ZC3H4: variants seen among roughly 807,000 people sequenced by gnomAD.
ZC3H4 encodes zinc finger CCCH-type containing 4, also known as zinc finger CCCH domain-containing protein 4.
A neutral mutation model predicts 108.3 loss-of-function variants in ZC3H4; 13 were observed. That is an observed-to-expected ratio of 0.12 (90% CI 0.08 to 0.19). The LOEUF (loss-of-function observed/expected upper bound fraction) is 0.19, where lower values mean the gene tolerates loss of function less well. Ranked by LOEUF, ZC3H4 falls within the 10% of genes least tolerant of loss-of-function variation. The pLI, the probability that ZC3H4 is intolerant of heterozygous loss-of-function variation, is 1.00. For synonymous variants in ZC3H4, 917 were observed against 749.6 expected (o/e 1.22, Z -3.65); for missense variants, 1,734 against 1,838.8 (o/e 0.94, Z 1.04).
intron 11 of ZC3H4, among the ~76,000 whole-genome samples, chr19:47,075,933 A>C (rs1334642098): frequency 1.3e-5 from 2 of 152,170 alleles, no homozygotes; most frequent in African/African-American, 4.8e-5. Flanking sequence ...CTCCACCAGC[A>C]AAGACACCAG....
intron 5 of ZC3H4, among the ~76,000 whole-genome samples, chr19:47,088,990 G>T (rs764398059): frequency 4.0e-5 from 6 of 151,812 alleles, no homozygotes; most frequent in Non-Finnish European, 8.8e-5. Flanking sequence ...GGCAGATCAC[G>T]AGGTCACGAG....
chr19:47,079,293 T>TG (rs901498072), intron 11 of ZC3H4, among the ~76,000 whole-genome samples: 4 of 149,848 alleles, frequency 2.7e-5, no homozygotes, highest in Admixed American at 1.3e-4. Flanking sequence ...CATCCCACAG[T>TG]GGGGGGGTTA....
Position 47,112,472 on chromosome 19 carries a change from G to A in ZC3H4, c.113C>T (p.Pro38Leu), listed in dbSNP as rs76683869. ...SPPPCSPDARPATPHLLHHRL... is the reference protein window; with the variant it reads ...SPPPCSPDARLATPHLLHHRL... ...GTGGTGGAGGAGGTGCGGGGTGGCC[G>A]GGCGGGCGTCGGGGGAACACGGAGG... The change falls in exon 2 of 15, where the codon CCG becomes CTG. Residue 38 changes from proline to leucine, a missense_variant. Physicochemically the swap from Pro to Leu is moderately conservative, Grantham distance 98. Transcript: ENST00000253048. 1.7e-6 allele frequency: 2 copies of A among 1,203,358 alleles called. No individual in the cohort carries two copies. The highest frequency in any genetic ancestry group is 2.1e-6 in the Non-Finnish European group (2 of 954,998). 74.5% of individuals were successfully genotyped at this position (1,203,358 alleles called of 1,614,324 possible).
At chr19:47,086,998 G>T (rs1488834073) in intron 5 of ZC3H4, among the ~76,000 whole-genome samples, 1 of 152,042 alleles carries the variant, frequency 6.6e-6, no homozygotes, top group Admixed American at 6.6e-5. Context: ...AAAAGAGGCT[G>T]GGTGTGGTGG....
intron 13 of ZC3H4, among the ~76,000 whole-genome samples, chr19:47,070,437 C>A (rs1021493614): frequency 6.6e-6 from 1 of 152,120 alleles, no homozygotes; most frequent in Non-Finnish European, 1.5e-5. Flanking sequence ...AAACCAATGA[C>A]CATACATGTT....
At chr19:47,074,027 C>A (rs1249992764) in intron 11 of ZC3H4, among the ~76,000 whole-genome samples, 1 of 152,108 alleles carries the variant, frequency 6.6e-6, no homozygotes, top group East Asian at 1.9e-4. Context: ...AGCTTCCTGG[C>A]AGCTTCATTT....
At position 47,067,990 on chromosome 19, in the gene ZC3H4, C is replaced by T; in HGVS notation, c.2399-121G>A. 3.0e-6 allele frequency: 3 copies of T among 998,104 alleles called. No individual in the cohort carries two copies. Among genetic ancestry groups the T allele is most frequent in the Non-Finnish European group, 4.4e-6 (3 of 676,810 alleles). 61.8% of individuals were successfully genotyped at this position (998,104 alleles called of 1,614,324 possible). On this transcript the variant is annotated intron_variant, in intron 14 of 14. Transcript: ENST00000253048. This position sits in a 1 kb window ranked among gnomAD's most constrained non-coding sequence, Gnocchi z 6.4. ...CTTGTGCCTCTCAGAACCTCAGGTC[C>T]TCCTCTCTAAGGCTCCCTCCCCACA... is the stretch of plus-strand genomic sequence containing the variant.
In ZC3H4 at chr19:47,112,565, G is replaced by C. The variant is rs966718471; in HGVS notation, c.20C>G (p.Thr7Ser). The change falls in exon 2 of 15, where the codon ACC becomes AGC. Residue 7 changes from threonine (T) to serine (S), a missense_variant. This residue lies in a region of ZC3H4 where 112 missense variants were observed against 73.3 expected (regional missense o/e 1.53). Coordinates refer to ENST00000253048, the MANE Select transcript of ZC3H4 (RefSeq NM_015168.2). MEAAPGTPPPPPSESPP... is the reference protein window; with the variant it reads MEAAPGSPPPPPSESPP... Reference sequence around the variant, plus strand: ...CGACTCTGATGGCGGCGGCGGGGGGGTCCCGGGCGCGGCCTCCATAGTTCC... The same window carrying C: ...CGACTCTGATGGCGGCGGCGGGGGGCTCCCGGGCGCGGCCTCCATAGTTCC... 1.3e-5 allele frequency: 14 copies of C among 1,081,126 alleles called. No individual in the cohort carries two copies. Among genetic ancestry groups the C allele is most frequent in the Non-Finnish European group, 1.4e-5 (12 of 845,828 alleles). The allele number at this position is 1,081,126 out of a possible 1,614,324, so 67.0% of individuals were successfully genotyped here.
At position 47,081,251 on chromosome 19, in the gene ZC3H4, G is replaced by A. The variant is rs190630706; in HGVS notation, c.1440+262C>T. 1.6e-4 allele frequency among the ~76,000 whole-genome samples: 24 copies of A among 152,288 alleles called. No homozygotes were observed. The East Asian group carries it at 4.2e-3, about 27-fold the overall frequency. ...AAGAGATCACGATTCATGCTTGGAG[G>A]CCCATCAGGCAGCATTCCTTTCATT... On this transcript the variant is annotated intron_variant, in intron 11 of 14. Transcript: ENST00000253048.
rs772525083 is a variant in ZC3H4 at position 47,066,327 on chromosome 19, G to A, written c.*29C>T. 1.4e-5 allele frequency: 21 copies of A among 1,478,256 alleles called. No individual in the cohort carries two copies. Among genetic ancestry groups the A allele is most frequent in the Admixed American group, 5.2e-5 (2 of 38,804 alleles). 91.6% of individuals were successfully genotyped at this position (1,478,256 alleles called of 1,614,324 possible). A position where few individuals can be genotyped will look rare whatever the true frequency, so the allele number is the denominator to read the frequency against. ...TGCCCTGAATGCCACCCTAGGAAGG[G>A]TGGCTGGAGCCGCAGCTCTGGCTGG... On this transcript the variant is annotated 3_prime_UTR_variant, in exon 15 of 15. Transcript: ENST00000253048.
chr19:47,104,836 A>C (rs1358835155), intron 2 of ZC3H4, among the ~76,000 whole-genome samples: 2 of 152,232 alleles, frequency 1.3e-5, no homozygotes, highest in African/African-American at 2.4e-5. Flanking sequence ...CAATAATCCA[A>C]GCCACCTGCA....
Position 47,067,886 on chromosome 19 carries a change from G to A in ZC3H4, c.2399-17C>T, listed in dbSNP as rs1436205731. On this transcript the variant is annotated splice_polypyrimidine_tract_variant and intron_variant, in intron 14 of 14. Transcript: ENST00000253048. This position sits in a 1 kb window ranked among gnomAD's most constrained non-coding sequence, Gnocchi z 6.4. ...CGGTGTCACCTGGGAAAGAACAGAG[G>A]AGCAGGGAGGGGTGAGTGGGCGCAT... The A allele has an allele frequency of 4.5e-6, 7 of 1,569,344 alleles. No homozygotes were observed. The highest frequency in any genetic ancestry group is 4.0e-5 in the African/African-American group (3 of 74,122).
At chr19:47,094,688 C>T (rs1722875069) in intron 2 of ZC3H4, 80 bp from the exon 3 acceptor site, 2 of 1,477,146 alleles carry the variant, frequency 1.4e-6, no homozygotes, top group South Asian at 1.2e-5. Flanking sequence ...CCAAGGCTGA[C>T]AGGAACCGAA....
chr19:47,079,673 G>A (rs1045966231), intron 11 of ZC3H4, among the ~76,000 whole-genome samples: 7 of 152,108 alleles, frequency 4.6e-5, no homozygotes, highest in Middle Eastern at 3.2e-3. Context: ...CAAGGTGGGC[G>A]GATCACAAGG....
chr19:47,072,713 T>G lies in ZC3H4; in HGVS notation c.1441A>C (p.Met481Leu). 6.2e-7 allele frequency: 1 copy of G among 1,613,470 alleles called. No homozygotes were observed. The highest frequency in any genetic ancestry group is 1.1e-5 in the South Asian group (1 of 91,050). The change falls in exon 12 of 15, where the codon ATG becomes CTG. Residue 481 changes from methionine (M) to leucine (L), a missense_variant and splice_region_variant. By Grantham distance (15) the Met-to-Leu change is conservative. This residue lies in a region of ZC3H4 where 66 missense variants were observed against 166.8 expected (regional missense o/e 0.40). Coordinates refer to ENST00000253048, the MANE Select transcript of ZC3H4 (RefSeq NM_015168.2). This position sits in a 1 kb window ranked among gnomAD's most constrained non-coding sequence, Gnocchi z 5.6. ...CCTGCTTCTGCATCATCGGCCAACA[T>G]CTGCGGGTGTGAAAGAACAAAAGAA... ...TEETRELLDK[M>L]LADDAEAGAE...
intron 2 of ZC3H4, among the ~76,000 whole-genome samples, chr19:47,109,139 G>A (rs564916765): frequency 5.5e-4 from 83 of 151,680 alleles, no homozygotes; most frequent in African/African-American, 1.9e-3. Flanking sequence ...AACTAATACT[G>A]GTACATCAGT....
intron 2 of ZC3H4, 76 bp from the exon 3 acceptor site, chr19:47,094,684 C>G (rs535886507): frequency 6.7e-7 from 1 of 1,488,584 alleles, no homozygotes; most frequent in African/African-American, 1.4e-5. Flanking sequence ...CTGGCCAAGG[C>G]TGACAGGAAC....
intron 4 of ZC3H4, 151 bp from the exon 5 acceptor site, chr19:47,090,340 G>T: frequency 2.5e-6 from 2 of 815,002 alleles, no homozygotes; most frequent in Admixed American, 2.6e-5. Context: ...CCCCTCTGGG[G>T]ACTGGTTCTC....
In ZC3H4 at chr19:47,066,843, A is replaced by G; in HGVS notation, c.3425T>C (p.Val1142Ala). ...GQGGGGGQSS[V>A]LSGISLYDPR... is the part of the protein sequence containing the mutation. ...GTCGTAGAGGCTGATACCGCTCAGC[A>G]CACTGCTCTGCCCGCCCCCTCCGCC... The change falls in exon 15 of 15, where the codon GTG becomes GCG. Residue 1142 changes from valine (V) to alanine (A), a missense_variant. Physicochemically the swap from Val to Ala is moderately conservative, Grantham distance 64. This residue lies in a region of ZC3H4 where 518 missense variants were observed against 499.6 expected (regional missense o/e 1.04). Transcript: ENST00000253048. The G allele has an allele frequency of 1.3e-6, 2 of 1,599,442 alleles. No individual in the cohort carries two copies. Among genetic ancestry groups the G allele is most frequent in the Non-Finnish European group, 1.7e-6 (2 of 1,179,328 alleles).
Sources: allele counts gnomAD v4.1 joint callset (sites outside exome capture counted in the v4.1 genomes callset), GRCh38; gene constraint gnomAD v4.1.1; regional missense constraint gnomAD v4.1.1; non-coding constraint Gnocchi (gnomAD v3.1); transcripts MANE v1.5; gene names NCBI Gene and HGNC (gene_info 2026-07-23, HGNC 2026-07-21).